The following HSCB variants were observed in gnomAD, a reference collection of about 807,000 sequenced individuals.
The protein encoded by HSCB is HscB mitochondrial iron-sulfur cluster cochaperone, also known as iron-sulfur cluster co-chaperone protein HscB.
Under a neutral mutation model 31.3 loss-of-function variants are expected in HSCB, and 23 were observed. The observed-to-expected ratio is 0.74, with a 90% CI of 0.53 to 1.04. The LOEUF (loss-of-function observed/expected upper bound fraction) is 1.04. Ranked by LOEUF, HSCB falls within the 50% of genes least tolerant of loss-of-function variation. The pLI is 0.00. For synonymous variants in HSCB, 110 were observed against 104.5 expected (o/e 1.05, Z -0.32); for missense variants, 297 against 288.1 (o/e 1.03, Z -0.22).
rs180753352 is a variant in HSCB, at chr22:28,746,368, G to A, written c.568+360G>A. Reference sequence around the variant, plus strand: ...TGCACTCCAGCCTGGGCGACAGAGCGAGACTCCATCTCAAAAAAAAAAAAA... The same window carrying A: ...TGCACTCCAGCCTGGGCGACAGAGCAAGACTCCATCTCAAAAAAAAAAAAA... On this transcript the variant is annotated intron_variant, in intron 4 of 5. Coordinates refer to ENST00000216027, the MANE Select transcript of HSCB (RefSeq NM_172002.5). 1.6e-3 allele frequency among the ~76,000 whole-genome samples: 206 copies of A among 128,894 alleles called. 2 individuals are homozygous for A. The East Asian group carries it at 0.032, about 20-fold the overall frequency. 84.6% of individuals were successfully genotyped at this position (128,894 alleles called of 152,430 possible).
Position 28,751,249 on chromosome 22 carries a change from A to G in HSCB, c.577A>G (p.Lys193Glu), listed in dbSNP as rs770136434. ...EIESIVKAKQKEFTDNVSSAF... is the reference protein window; with the variant it reads ...EIESIVKAKQEEFTDNVSSAF... Reference sequence around the variant, plus strand: ...ATGGTTTTCTTTTTCAGCTAAACAGAAAGAATTTACTGACAATGTGAGCAG... The same window carrying G: ...ATGGTTTTCTTTTTCAGCTAAACAGGAAGAATTTACTGACAATGTGAGCAG... The change falls in exon 5 of 6, where the codon AAA (lysine) becomes GAA (glutamate). Residue 193 changes from lysine (K) to glutamate (E), a missense_variant. Lys to Glu is a moderately conservative substitution (Grantham distance 56). Coordinates refer to ENST00000216027, the MANE Select transcript of HSCB (RefSeq NM_172002.5). 2.5e-6 allele frequency: 4 copies of G among 1,597,422 alleles called. No homozygotes were observed. The East Asian group carries it at 6.7e-5, about 27-fold the overall frequency.
At chr22:28,756,567 C>G (rs1375341870) in intron 5 of HSCB, among the ~76,000 whole-genome samples, 1 of 151,662 alleles carries the variant, frequency 6.6e-6, no homozygotes, top group African/African-American at 2.4e-5. Flanking sequence ...CTCCTGGGCT[C>G]AAGGGATCCT....
At chr22:28,753,428 T>G (rs143700634) in intron 5 of HSCB, among the ~76,000 whole-genome samples, 44 of 151,904 alleles carry the variant, frequency 2.9e-4, no homozygotes, top group African/African-American at 9.9e-4. Flanking sequence ...CTCAGGAGGC[T>G]GAGGCAGGAA....
intron 2 of HSCB, 133 bp from the exon 3 acceptor site, chr22:28,744,482 G>T (rs991166612): frequency 3.1e-6 from 2 of 644,696 alleles, no homozygotes; most frequent in Non-Finnish European, 5.6e-6. Context: ...AACGTGGGAG[G>T]TGGAGGTTGC....
Position 28,742,167 on chromosome 22 carries a change from A to G in HSCB, c.72A>G (p.Arg24=), listed in dbSNP as rs566157784. 2.0e-5 allele frequency: 32 copies of G among 1,613,654 alleles called. No homozygotes were observed. The African/African-American group carries it at 3.6e-4, about 18-fold the overall frequency. ...GGCCGACAGGGGTTCCCAGAAGGAG[A>G]CCGCTAAGCTGCGATGCTGCGTCGC... ...GFWPTGVPRR[R]PLSCDAASQA... Residue 24 remains arginine, a synonymous_variant, in exon 1 of 6, where the codon AGA becomes AGG. Transcript: ENST00000216027.
intron 5 of HSCB, among the ~76,000 whole-genome samples, chr22:28,753,567 G>A (rs577960413): frequency 1.3e-4 from 20 of 152,160 alleles, no homozygotes; most frequent in South Asian, 1.0e-3. Context: ...AGCCGGGCAC[G>A]GTGGCTCACG....
chr22:28,746,027 C>T lies in HSCB; in HGVS notation c.568+19C>T. On this transcript the variant is annotated intron_variant, in intron 4 of 5. Transcript: ENST00000216027. Reference sequence around the variant, plus strand: ...GTCAAAGGTGAAAGATAAAATAGCACTGAATGTATTTCATTGCTGTTATGA... The same window carrying T: ...GTCAAAGGTGAAAGATAAAATAGCATTGAATGTATTTCATTGCTGTTATGA... 6.3e-7 allele frequency: 1 copy of T among 1,597,086 alleles called. No individual in the cohort carries two copies. Among genetic ancestry groups the T allele is most frequent in the Non-Finnish European group, 8.6e-7 (1 of 1,168,612 alleles).
chr22:28,746,834 G>C (rs1198383204), intron 4 of HSCB, among the ~76,000 whole-genome samples: 1 of 151,422 alleles, frequency 6.6e-6, no homozygotes, highest in Non-Finnish European at 1.5e-5. Flanking sequence ...GGGAGGCGGA[G>C]CTTGCAGTGA....
Position 28,742,076 on chromosome 22 carries a change from C to A in HSCB, c.-20C>A, listed in dbSNP as rs775824827. On this transcript the variant is annotated 5_prime_UTR_variant, in exon 1 of 6. Coordinates refer to ENST00000216027, the MANE Select transcript of HSCB (RefSeq NM_172002.5). ...TGCTTTTCCCCACGAGTGACCACGG[C>A]TAGATAGGCCGCCGGCCAGATGTGG... is the stretch of plus-strand genomic sequence containing the variant. The A allele has an allele frequency of 3.6e-5, 58 of 1,596,288 alleles. No individual in the cohort carries two copies. In the South Asian group the frequency reaches 4.7e-4, roughly 13 times the overall value.
intron 5 of HSCB, among the ~76,000 whole-genome samples, chr22:28,755,627 C>T (rs1459271150): frequency 2.0e-5 from 3 of 152,060 alleles, no homozygotes; most frequent in Non-Finnish European, 4.4e-5. Context: ...ATAAATAATA[C>T]ATATCCTTCT....
chr22:28,753,986 A>C (rs1261745018), intron 5 of HSCB, among the ~76,000 whole-genome samples: 1 of 151,646 alleles, frequency 6.6e-6, no homozygotes, highest in Non-Finnish European at 1.5e-5. Context: ...CTGAAAAATT[A>C]GCTGGGTGTG....
At position 28,742,057 on chromosome 22, in the gene HSCB, T is replaced by TC. The variant is rs565476172; in HGVS notation, c.-35dup. ...TCTGGTTAGACGCTCTCTTTGCTTT[T>TC]CCCCACGAGTGACCACGGCTAGATA... On this transcript the variant is annotated 5_prime_UTR_variant, in exon 1 of 6. Transcript: ENST00000216027. 6.4e-7 allele frequency: 1 copy of TC among 1,572,690 alleles called. No individual in the cohort carries two copies. The highest frequency in any genetic ancestry group is 1.1e-5 in the South Asian group (1 of 87,326).
intron 4 of HSCB, among the ~76,000 whole-genome samples, chr22:28,750,264 A>C (rs1057160709): frequency 5.9e-5 from 9 of 151,560 alleles, no homozygotes; most frequent in Non-Finnish European, 1.3e-4. Flanking sequence ...AAAAAAAAAA[A>C]AAAAAAAAAA....
intron 4 of HSCB, among the ~76,000 whole-genome samples, chr22:28,750,928 T>C (rs2030182560): frequency 6.8e-6 from 1 of 147,758 alleles, no homozygotes; most frequent in Admixed American, 6.8e-5. Flanking sequence ...GTGGAGATAA[T>C]CAAAGTATAT....
chr22:28,752,298 T>G (rs2146220968), intron 5 of HSCB, among the ~76,000 whole-genome samples: 1 of 151,020 alleles, frequency 6.6e-6, no homozygotes, highest in East Asian at 2.0e-4. Flanking sequence ...CCAGGCGCAG[T>G]GGCGCGCCTG....
intron 5 of HSCB, among the ~76,000 whole-genome samples, chr22:28,752,630 A>C (rs1013174971): frequency 6.6e-6 from 1 of 151,178 alleles, no homozygotes; most frequent in African/African-American, 2.4e-5. Flanking sequence ...GCTACTCGGG[A>C]GGCTGAGGCA....
chr22:28,753,462 A>C (rs2030394538), intron 5 of HSCB, among the ~76,000 whole-genome samples: 1 of 151,474 alleles, frequency 6.6e-6, no homozygotes, highest in Admixed American at 6.6e-5. Flanking sequence ...CGGGAGACAG[A>C]TGTTGCAGTG....
chr22:28,753,665 C>T (rs937237249), intron 5 of HSCB, among the ~76,000 whole-genome samples: 1 of 149,964 alleles, frequency 6.7e-6, no homozygotes, highest in Non-Finnish European at 1.5e-5. Flanking sequence ...GGTGAAACCC[C>T]GTCTCTACTA....
rs563701958 is a variant in HSCB, at chr22:28,750,247, CAAAAAAAAAA to C, written c.569-974_569-965del. Among the ~76,000 whole-genome samples the C allele has an allele frequency of 1.2e-3, 80 of 64,704 alleles. 1 individual carries two copies. Among genetic ancestry groups the C allele is most frequent in the East Asian group, 4.6e-3 (12 of 2,626 alleles). The allele number at this position is 64,704 out of a possible 152,430, so 42.4% of individuals were successfully genotyped here. ...CTGGGCAACAAGAGCGAAACTGTCT[CAAAAAAAAAA>C]AAAAAAAAAAAAAAAAAAACACTTA... On this transcript the variant is annotated intron_variant, in intron 4 of 5. Coordinates refer to ENST00000216027, the MANE Select transcript of HSCB (RefSeq NM_172002.5).
Sources: allele counts gnomAD v4.1 joint callset (sites outside exome capture counted in the v4.1 genomes callset), GRCh38; gene constraint gnomAD v4.1.1; transcripts MANE v1.5; gene names NCBI Gene and HGNC (gene_info 2026-07-23, HGNC 2026-07-21).